The following GSE1 variants were observed in gnomAD, a reference collection of about 807,000 sequenced individuals.
GSE1 encodes Gse1 coiled-coil protein.
In GSE1, 32 loss-of-function variants were observed where a neutral mutation model predicts 112.6. The observed-to-expected ratio is 0.28, with a 90% CI of 0.21 to 0.38. The LOEUF (loss-of-function observed/expected upper bound fraction) is 0.38, where lower values mean the gene tolerates loss of function less well. GSE1 is among the 10% of genes least tolerant of loss of function. The pLI is 1.00. For missense variants in GSE1, 2,348 were observed against 1,699.2 expected (o/e 1.38, Z -6.71); for synonymous variants, 1,115 against 735.6 (o/e 1.52, Z -8.35).
chr16:85,629,808 T>G (rs2049391019), intron 1 of GSE1, among the ~76,000 whole-genome samples: 1 of 152,222 alleles, frequency 6.6e-6, no homozygotes, highest in Admixed American at 6.5e-5. Flanking sequence ...CTTGGCTTTC[T>G]GATGGATTGA....
At chr16:85,302,448 G>GCCC (rs55673103) in intron 1 of GSE1, among the ~76,000 whole-genome samples, 9 of 149,584 alleles carry the variant, frequency 6.0e-5, no homozygotes, top group African/African-American at 1.5e-4. Flanking sequence ...ACAGCACACC[G>GCCC]CCCCCCCCCG....
intron 1 of GSE1, among the ~76,000 whole-genome samples, chr16:85,338,506 T>C (rs1044242254): frequency 4.6e-5 from 7 of 152,206 alleles, no homozygotes; most frequent in African/African-American, 1.7e-4. Flanking sequence ...ACCTATGTCA[T>C]AGGCATGTTT....
At chr16:85,203,022 G>T (rs911851822) in intron 1 of GSE1, among the ~76,000 whole-genome samples, 9 of 145,460 alleles carry the variant, frequency 6.2e-5, no homozygotes, top group Non-Finnish European at 8.9e-5. Flanking sequence ...CAGAACATCT[G>T]TGTGTTCCTG....
At chr16:85,544,509 G>C (rs1028145375) in intron 2 of GSE1, among the ~76,000 whole-genome samples, 12 of 152,184 alleles carry the variant, frequency 7.9e-5, no homozygotes, top group African/African-American at 2.4e-4. Flanking sequence ...TTCTTTGCAA[G>C]GTAAAGGCAG....
intron 2 of GSE1, among the ~76,000 whole-genome samples, chr16:85,641,342 C>T (rs747703688): frequency 6.6e-6 from 1 of 152,372 alleles, no homozygotes; most frequent in East Asian, 1.9e-4. Context: ...GCTAGAAACC[C>T]GCACCTCCCG....
intron 1 of GSE1, among the ~76,000 whole-genome samples, chr16:85,349,712 G>A (rs1020837334): frequency 1.1e-4 from 16 of 152,278 alleles, no homozygotes; most frequent in African/African-American, 3.9e-4. Flanking sequence ...GCGACGCCGT[G>A]TTCTTTTGTG....
At chr16:85,434,279 A>G (rs2049188729) in intron 2 of GSE1, among the ~76,000 whole-genome samples, 1 of 151,254 alleles carries the variant, frequency 6.6e-6, no homozygotes, top group African/African-American at 2.4e-5. Context: ...CATCTAGGGC[A>G]TGGCCTAGGA....
At chr16:85,527,965 G>T (rs2052416544) in intron 2 of GSE1, among the ~76,000 whole-genome samples, 2 of 152,228 alleles carry the variant, frequency 1.3e-5, no homozygotes. Flanking sequence ...AGGAGCATGT[G>T]TGTCTGTTCT....
At chr16:85,170,270 A>C in exon 1 of GSE1, 2 of 985,676 alleles carry the variant, frequency 2.0e-6, no homozygotes, top group Non-Finnish European at 2.4e-6. Context: ...GGGGAGCCCA[A>C]GTCCGGGGTT....
intron 2 of GSE1, among the ~76,000 whole-genome samples, chr16:85,639,978 G>T (rs540595659): frequency 6.6e-6 from 1 of 152,290 alleles, no homozygotes; most frequent in South Asian, 2.1e-4. Flanking sequence ...GAAACAGTTG[G>T]GGGCGATCGT....
intron 2 of GSE1, among the ~76,000 whole-genome samples, chr16:85,396,037 A>G (rs2047957824): frequency 6.6e-6 from 1 of 152,222 alleles, no homozygotes; most frequent in Admixed American, 6.5e-5. Context: ...TGCTGCTTCT[A>G]GAACCTTCTC....
intron 1 of GSE1, among the ~76,000 whole-genome samples, chr16:85,287,679 A>G (rs117911138): frequency 0.013 from 1,880 of 146,770 alleles, 23 homozygotes; most frequent in Non-Finnish European, 0.022. Flanking sequence ...CCTTTCTAAA[A>G]CTCCAGCCCC....
chr16:85,523,780 T>A (rs1301909494), intron 2 of GSE1, among the ~76,000 whole-genome samples: 1 of 152,142 alleles, frequency 6.6e-6, no homozygotes, highest in East Asian at 1.9e-4. Context: ...AGGTGTCACG[T>A]TTTCCCCAGG....
intron 1 of GSE1, among the ~76,000 whole-genome samples, chr16:85,245,569 A>G (rs1269620787): frequency 6.6e-6 from 1 of 152,008 alleles, no homozygotes; most frequent in East Asian, 1.9e-4. Context: ...GCCCCTTTTG[A>G]TTGGATTTCT....
chr16:85,664,292 T>G lies in GSE1; in HGVS notation c.2644+678T>G, dbSNP rs1283028808. ...TTCAAGTCCTCGTGGGCCCCTGGCC[T>G]CCTCTCTGGGAGAAAGTCGAAGGAA... On this transcript the variant is annotated intron_variant, in intron 11 of 15. Coordinates refer to ENST00000253458, the MANE Select transcript of GSE1 (RefSeq NM_014615.5). Among the ~76,000 whole-genome samples the G allele has an allele frequency of 3.3e-5, 5 of 152,230 alleles. No homozygotes were observed. In the East Asian group the frequency reaches 5.8e-4, roughly 18 times the overall value.
At chr16:85,246,231 ACACACACG>A (rs1286705623) in intron 1 of GSE1, among the ~76,000 whole-genome samples, 4 of 121,998 alleles carry the variant, frequency 3.3e-5, no homozygotes, top group Admixed American at 8.0e-5. Context: ...ACACACACAC[ACACACACG>A]CACACCACAC....
intron 1 of GSE1, among the ~76,000 whole-genome samples, chr16:85,236,378 T>C (rs895024440): frequency 1.2e-4 from 18 of 152,308 alleles, no homozygotes; most frequent in African/African-American, 4.1e-4. Context: ...ATCCCCCAAG[T>C]TGCATGGCCC....
rs11442480 is a variant in GSE1 at position 85,325,760 on chromosome 16, AT to A, written c.2284-31689del. 5.0e-3 allele frequency among the ~76,000 whole-genome samples: 673 copies of A among 135,138 alleles called. 8 individuals are homozygous for A. Among genetic ancestry groups the A allele is most frequent in the African/African-American group, 0.015 (561 of 37,458 alleles). 88.7% of individuals were successfully genotyped at this position (135,138 alleles called of 152,430 possible). A position where few individuals can be genotyped will look rare whatever the true frequency, so the allele number is the denominator to read the frequency against. On this transcript the variant is annotated intron_variant, in intron 1 of 2. Transcript: ENST00000637419. ...AGCCACTGCACCCGGCCTTCAGTCAATTTTTTTTTTTTTTGAGACGGAGTCT... is the reference window on the plus strand; with the variant it reads ...AGCCACTGCACCCGGCCTTCAGTCAATTTTTTTTTTTTTGAGACGGAGTCT...
chr16:85,402,660 A>G (rs2048143190), intron 2 of GSE1, among the ~76,000 whole-genome samples: 1 of 152,124 alleles, frequency 6.6e-6, no homozygotes, highest in South Asian at 2.1e-4. Flanking sequence ...GGTGGCTCAC[A>G]CCTGTAATCC....
Sources: allele counts gnomAD v4.1 joint callset (sites outside exome capture counted in the v4.1 genomes callset), GRCh38; gene constraint gnomAD v4.1.1; transcripts MANE v1.5; gene names NCBI Gene and HGNC (gene_info 2026-07-23, HGNC 2026-07-21).